Variants in TLCD4 observed in about 807,000 individuals in gnomAD.
TLCD4 encodes TLC domain containing 4.
TLCD4 carries 7 observed loss-of-function variants against 24.2 expected under a neutral mutation model. The ratio of observed to expected loss-of-function variants is 0.29; its 90% CI spans 0.16 to 0.54. The LOEUF is 0.54. Among genes scored for constraint, TLCD4 ranks in the 20% least tolerant of loss-of-function variants. The pLI is 0.95. For missense variants in TLCD4, 259 were observed against 313.9 expected (o/e 0.82, Z 1.32); for synonymous variants, 103 against 106.4 (o/e 0.97, Z 0.20).
At chr1:95,099,053 CAAAAAAAAAAA>C in the TLCD4 span, among the ~76,000 whole-genome samples, 1 of 70,656 alleles carries the variant, frequency 1.4e-5, no homozygotes, top group Admixed American at 2.3e-4. Flanking sequence ...AACTCTGTCT[CAAAAAAAAAAA>C]AAAAAAAAAA....
intron 1 of TLCD4, among the ~76,000 whole-genome samples, chr1:95,142,181 A>G (rs1336816206): frequency 6.6e-6 from 1 of 150,424 alleles, no homozygotes; most frequent in Non-Finnish European, 1.5e-5. Context: ...TAGGAGCCAA[A>G]TAAAGTTCAG....
the TLCD4 span, among the ~76,000 whole-genome samples, chr1:95,100,098 C>A: frequency 1.3e-5 from 2 of 151,234 alleles, no homozygotes; most frequent in African/African-American, 2.4e-5. Flanking sequence ...GAGTGAGACC[C>A]CATCTCAAAA....
intron 6 of TLCD4, among the ~76,000 whole-genome samples, chr1:95,178,314 C>T (rs1415718886): frequency 1.3e-5 from 2 of 151,950 alleles, no homozygotes; most frequent in African/African-American, 2.4e-5. Context: ...GGCTGAAGTA[C>T]GGTAGTGTGA....
In TLCD4 at chr1:95,177,498, T is replaced by A. The variant is rs552924676; in HGVS notation, c.473+3609T>A. Among the ~76,000 whole-genome samples, 6 of 152,272 alleles carry A rather than the reference T, an allele frequency of 3.9e-5. No homozygotes were observed. In the South Asian group the frequency reaches 1.0e-3, roughly 26 times the overall value. Reference sequence around the variant, plus strand: ...AAAGCAGGAAGATGTTCAGGACAATTGACAGGGCTCCCTAGTTCTGTGTGC... The same window carrying A: ...AAAGCAGGAAGATGTTCAGGACAATAGACAGGGCTCCCTAGTTCTGTGTGC... On this transcript the variant is annotated intron_variant, in intron 6 of 6. Coordinates refer to ENST00000370203, the MANE Select transcript of TLCD4 (RefSeq NM_152487.3).
intron 5 of TLCD4, among the ~76,000 whole-genome samples, chr1:95,172,171 C>A (rs932479602): frequency 2.0e-5 from 3 of 152,104 alleles, no homozygotes; most frequent in African/African-American, 7.2e-5. Context: ...GCTTAAACCA[C>A]CCACTTTTTG....
chr1:95,167,949 T>C (rs1678078651), intron 5 of TLCD4, among the ~76,000 whole-genome samples: 1 of 152,158 alleles, frequency 6.6e-6, no homozygotes, highest in Non-Finnish European at 1.5e-5. Flanking sequence ...TCTCGTAAAC[T>C]GTCTTTTTTC....
At chr1:95,183,400 G>A (rs112683604) in intron 6 of TLCD4, among the ~76,000 whole-genome samples, 1 of 143,952 alleles carries the variant, frequency 6.9e-6, no homozygotes, top group Non-Finnish European at 1.6e-5. Context: ...AATTTAGTGC[G>A]GAGATATTGG....
At chr1:95,092,799 C>T in the TLCD4 span, among the ~76,000 whole-genome samples, 1,769 of 152,342 alleles carry the variant, frequency 0.012, 48 homozygotes, top group East Asian at 0.11. Flanking sequence ...ATTCCAGACA[C>T]ACTACCTTGG....
At chr1:95,107,812 C>T in the TLCD4 span, among the ~76,000 whole-genome samples, 4 of 152,066 alleles carry the variant, frequency 2.6e-5, no homozygotes, top group African/African-American at 7.2e-5. Flanking sequence ...ATCCAAGCAA[C>T]GTCTGTTAAC....
At position 95,192,093 on chromosome 1, in the gene TLCD4, C is replaced by T. The variant is rs373312296; in HGVS notation, c.*225C>T. 2.5e-5 allele frequency: 24 copies of T among 948,054 alleles called. No homozygotes were observed. The highest frequency in any genetic ancestry group is 3.7e-5 in the East Asian group (1 of 27,104). 58.7% of individuals were successfully genotyped at this position (948,054 alleles called of 1,614,324 possible). A position where few individuals can be genotyped will look rare whatever the true frequency, so the allele number is the denominator to read the frequency against. ...GGGTCGATCACTGAGGTCAGGAGTTCGAGACTAGCTTGGCCAACATGGTGA... is the reference window on the plus strand; with the variant it reads ...GGGTCGATCACTGAGGTCAGGAGTTTGAGACTAGCTTGGCCAACATGGTGA... On this transcript the variant is annotated 3_prime_UTR_variant, in exon 7 of 7. Transcript: ENST00000370203.
the TLCD4 span, among the ~76,000 whole-genome samples, chr1:95,101,089 G>T: frequency 6.6e-6 from 1 of 151,654 alleles, no homozygotes; most frequent in Non-Finnish European, 1.5e-5. Context: ...TGTATTTTTA[G>T]TAGAGATGGT....
chr1:95,105,471 G>A, the TLCD4 span, among the ~76,000 whole-genome samples: 1 of 152,170 alleles, frequency 6.6e-6, no homozygotes, highest in Non-Finnish European at 1.5e-5. Flanking sequence ...CTCCATGGGT[G>A]GTGGGTTTTG....
At chr1:95,103,674 A>G in the TLCD4 span, among the ~76,000 whole-genome samples, 3 of 152,218 alleles carry the variant, frequency 2.0e-5, no homozygotes, top group African/African-American at 7.2e-5. Flanking sequence ...CTTTTTGTTC[A>G]TCCCATCCCC....
chr1:95,152,010 G>C (rs1433477786), intron 5 of TLCD4, among the ~76,000 whole-genome samples: 1 of 152,040 alleles, frequency 6.6e-6, no homozygotes, highest in Non-Finnish European at 1.5e-5. Flanking sequence ...GGTTTCTCTA[G>C]AATCAATTGT....
chr1:95,159,918 A>G (rs1041111669), intron 5 of TLCD4, among the ~76,000 whole-genome samples: 2 of 152,322 alleles, frequency 1.3e-5, no homozygotes, highest in South Asian at 2.1e-4. Flanking sequence ...GCCTTGTAGT[A>G]TAGTTTGAAG....
chr1:95,186,459 G>C (rs1406841911), intron 6 of TLCD4, among the ~76,000 whole-genome samples: 1 of 152,222 alleles, frequency 6.6e-6, no homozygotes. Flanking sequence ...TTTGGATTAG[G>C]TAGGAAAGGA....
upstream of TLCD4, among the ~76,000 whole-genome samples, chr1:95,112,875 TTTTA>T (rs909848104): frequency 2.6e-5 from 4 of 152,042 alleles, no homozygotes; most frequent in Non-Finnish European, 5.9e-5. Flanking sequence ...TACATTTTTA[TTTTA>T]TTTATTTATT....
chr1:95,095,458 C>T, the TLCD4 span, among the ~76,000 whole-genome samples: 15 of 152,058 alleles, frequency 9.9e-5, no homozygotes, highest in East Asian at 1.9e-3. Context: ...AGTGCAGTGG[C>T]GTGATCTCGG....
At chr1:95,099,598 T>C in the TLCD4 span, among the ~76,000 whole-genome samples, 1 of 152,220 alleles carries the variant, frequency 6.6e-6, no homozygotes, top group Non-Finnish European at 1.5e-5. Flanking sequence ...AGTAGGTATT[T>C]AATATACTTT....
Sources: allele counts gnomAD v4.1 joint callset (sites outside exome capture counted in the v4.1 genomes callset), GRCh38; gene constraint gnomAD v4.1.1; transcripts MANE v1.5; gene names NCBI Gene and HGNC (gene_info 2026-07-23, HGNC 2026-07-21).